RSPH9: variants seen among roughly 807,000 people sequenced by gnomAD.
RSPH9 encodes radial spoke head component 9.
RSPH9 carries 27 observed loss-of-function variants against 27.0 expected under a neutral mutation model. That is an observed-to-expected ratio of 1.00 (90% CI 0.74 to 1.38). RSPH9 has a LOEUF of 1.38. Ranked by LOEUF, RSPH9 falls within the 40% of genes most tolerant of loss-of-function variation. The pLI is 0.00. For synonymous variants in RSPH9, 145 were observed against 147.7 expected (o/e 0.98, Z 0.13); for missense variants, 347 against 357.4 (o/e 0.97, Z 0.24).
chr6:43,660,330 T>G (rs1216132476), intron 4 of RSPH9, among the ~76,000 whole-genome samples: 2 of 152,102 alleles, frequency 1.3e-5, no homozygotes, highest in Non-Finnish European at 2.9e-5. Context: ...TGTGAGGCAC[T>G]GTGATTGGCC....
rs1338274235 is a variant in RSPH9 at position 43,645,271 on chromosome 6, A to G, written c.173A>G (p.Tyr58Cys). The G allele has an allele frequency of 6.2e-7, 1 of 1,613,790 alleles. No homozygotes were observed. Among genetic ancestry groups the G allele is most frequent in the African/African-American group, 1.3e-5 (1 of 75,006 alleles). The change falls in exon 1 of 5, where the codon TAC becomes TGC. Residue 58 changes from tyrosine to cysteine, a missense_variant. Transcript: ENST00000372163. ...ATCCTTGGCCTCGTCGCCGATTACT[A>G]CATCGCGCAGGGCCTGAGTGAGGAC... ...GRILGLVADY[Y>C]IAQGLSEDQL...
At chr6:43,659,278 A>G (rs1001987306) in intron 4 of RSPH9, among the ~76,000 whole-genome samples, 1 of 150,258 alleles carries the variant, frequency 6.7e-6, no homozygotes, top group African/African-American at 2.5e-5. Flanking sequence ...CCTGGAGTGC[A>G]ATGGTGTGAT....
At chr6:43,654,478 G>A (rs1056530816) in intron 2 of RSPH9, among the ~76,000 whole-genome samples, 3 of 151,932 alleles carry the variant, frequency 2.0e-5, no homozygotes, top group African/African-American at 4.8e-5. Context: ...GCTTGAGCCC[G>A]GGAGTTGGAG....
intron 4 of RSPH9, 47 bp downstream of exon 4, chr6:43,656,770 A>T (rs1435312303): frequency 4.4e-6 from 7 of 1,601,406 alleles, no homozygotes; most frequent in Non-Finnish European, 6.0e-6. Flanking sequence ...CTCAGGCCAT[A>T]GCAGTGGGCC....
intron 4 of RSPH9, chr6:43,666,562 CAA>C: frequency 7.8e-7 from 1 of 1,285,560 alleles, no homozygotes; most frequent in Non-Finnish European, 1.1e-6. Context: ...GCCAAAGTGA[CAA>C]GAGACACCTT....
chr6:43,670,516 T>C (rs1042010639), intron 4 of RSPH9, among the ~76,000 whole-genome samples: 4 of 152,150 alleles, frequency 2.6e-5, no homozygotes, highest in Admixed American at 2.6e-4. Flanking sequence ...GGTGGGAGGA[T>C]TGCTTGAGCC....
intron 1 of RSPH9, among the ~76,000 whole-genome samples, chr6:43,645,814 G>T (rs1421767630): frequency 6.6e-6 from 1 of 152,224 alleles, no homozygotes. Flanking sequence ...TCAGACGCCA[G>T]AGGGAGAGGG....
rs1321723398 is a variant in RSPH9 at position 43,672,383 on chromosome 6, C to T, written c.*1434C>T. ...TGGTATAAGACCCCTGCCCCTCACC[C>T]AACCTGTGATGGGAATCAAGGGGTA... On this transcript the variant is annotated 3_prime_UTR_variant, in exon 5 of 5. Transcript: ENST00000372163. The T allele has an allele frequency of 2.1e-6, 1 of 471,734 alleles. No individual in the cohort carries two copies. Among genetic ancestry groups the T allele is most frequent in the South Asian group, 1.5e-5 (1 of 64,566 alleles). The allele number at this position is 471,734 out of a possible 1,614,324, so 29.2% of individuals were successfully genotyped here.
chr6:43,665,561 C>T (rs982774803), intron 4 of RSPH9, among the ~76,000 whole-genome samples: 1 of 152,182 alleles, frequency 6.6e-6, no homozygotes, highest in Non-Finnish European at 1.5e-5. Flanking sequence ...GGTGGGTGAG[C>T]TGCAGTGACC....
chr6:43,658,525 C>T (rs1582389120), intron 4 of RSPH9, among the ~76,000 whole-genome samples: 5 of 152,138 alleles, frequency 3.3e-5, no homozygotes, highest in Admixed American at 3.3e-4. Flanking sequence ...CTAACGATCA[C>T]CTGACCCTTC....
In RSPH9 at chr6:43,671,463, G is replaced by C. The variant is rs138990033; in HGVS notation, c.*514G>C. On this transcript the variant is annotated 3_prime_UTR_variant, in exon 5 of 5. Transcript: ENST00000372163. The stretch of plus-strand genomic sequence containing the variant: ...GCGCACACCCAATGGGTAAGCCCAT[G>C]AACCCAGTTTATGACACTGCGTTGG... 1 of 479,572 alleles carries C rather than the reference G, an allele frequency of 2.1e-6. No individual in the cohort carries two copies. The highest frequency in any genetic ancestry group is 3.8e-6 in the Non-Finnish European group (1 of 265,212). The allele number at this position is 479,572 out of a possible 1,614,324, so 29.7% of individuals were successfully genotyped here.
At chr6:43,657,489 A>T (rs1409641635) in intron 4 of RSPH9, among the ~76,000 whole-genome samples, 1 of 152,218 alleles carries the variant, frequency 6.6e-6, no homozygotes, top group Non-Finnish European at 1.5e-5. Context: ...AAACCCAAGG[A>T]CACAGTAAGT....
intron 1 of RSPH9, among the ~76,000 whole-genome samples, chr6:43,646,351 G>C (rs964493453): frequency 2.0e-5 from 3 of 150,858 alleles, no homozygotes; most frequent in African/African-American, 7.3e-5. Flanking sequence ...AGCTAGGATG[G>C]TCTCGATCTC....
At chr6:43,657,112 G>C (rs1190416293) in intron 4 of RSPH9, among the ~76,000 whole-genome samples, 1 of 152,166 alleles carries the variant, frequency 6.6e-6, no homozygotes, top group Non-Finnish European at 1.5e-5. Flanking sequence ...TTGGCCCATA[G>C]CTGGTGGTGC....
chr6:43,645,354 A>G (rs1445836479), intron 1 of RSPH9, 29 bp downstream of exon 1: 63 of 583,830 alleles, frequency 1.1e-4, no homozygotes, highest in Non-Finnish European at 1.4e-4. Flanking sequence ...CGGGCTCCCC[A>G]GAGGGTGGCT....
At position 43,672,060 on chromosome 6, in the gene RSPH9, G is replaced by A; in HGVS notation, c.*1111G>A. On this transcript the variant is annotated 3_prime_UTR_variant, in exon 5 of 5. Coordinates refer to ENST00000372163, the MANE Select transcript of RSPH9 (RefSeq NM_152732.5). The stretch of plus-strand genomic sequence containing the variant: ...CTGAAGTGCAGGGATTTTCCTGGGA[G>A]TAACTGCTGAGCGTCCTGTAAACAG... 1.1e-6 allele frequency: 1 copy of A among 917,506 alleles called. No individual in the cohort carries two copies. The highest frequency in any genetic ancestry group is 1.6e-6 in the Non-Finnish European group (1 of 625,192). The allele number at this position is 917,506 out of a possible 1,614,324, so 56.8% of individuals were successfully genotyped here.
intron 4 of RSPH9, among the ~76,000 whole-genome samples, chr6:43,658,312 A>AAAAAAAAAAAAAAAAAAG (rs1772251832): frequency 6.0e-5 from 8 of 133,780 alleles, no homozygotes; most frequent in South Asian, 2.6e-4. Context: ...AAAAAAAAAG[A>AAAAAAAAAAAAAAAAAAG]AAAAAAAAAA....
At chr6:43,667,861 T>G (rs1417704114) in intron 4 of RSPH9, among the ~76,000 whole-genome samples, 1 of 152,180 alleles carries the variant, frequency 6.6e-6, no homozygotes, top group Non-Finnish European at 1.5e-5. Flanking sequence ...TGGACAGCCC[T>G]GGTCCCCAGC....
chr6:43,667,569 C>T (rs1220689040), intron 4 of RSPH9, among the ~76,000 whole-genome samples: 1 of 152,222 alleles, frequency 6.6e-6, no homozygotes, highest in Non-Finnish European at 1.5e-5. Context: ...GCGCAGGTGG[C>T]TCTTCCTGCC....
Sources: gnomAD v4.1 joint callset for allele counts (sites outside exome capture counted in the v4.1 genomes callset) on GRCh38, gnomAD v4.1.1 for gene constraint, MANE v1.5 for transcripts, NCBI Gene and HGNC (gene_info 2026-07-23, HGNC 2026-07-21) for gene names.